Variants in GPR158 observed in about 807,000 individuals in gnomAD.
The protein encoded by GPR158 is metabotropic glycine receptor.
In GPR158, 30 loss-of-function variants were observed where a neutral mutation model predicts 78.2. That is an observed-to-expected ratio of 0.38 (90% CI 0.29 to 0.52). GPR158 has a LOEUF of 0.52. Ranked by LOEUF, GPR158 falls within the 20% of genes least tolerant of loss-of-function variation. GPR158 has a pLI of 0.83. For missense variants in GPR158, 1,463 were observed against 1,523.5 expected, an observed-to-expected ratio of 0.96 and a Z score of 0.66; for synonymous variants, 581 against 591.1, an observed-to-expected ratio of 0.98 and a Z score of 0.25.
chr10:25,465,705 T>A (rs1564462804), intron 4 of GPR158, among the ~76,000 whole-genome samples: 1 of 152,206 alleles, frequency 6.6e-6, no homozygotes, highest in Non-Finnish European at 1.5e-5. Context: ...TGGTGGGAGA[T>A]ACGCAGACTT....
intron 1 of GPR158, among the ~76,000 whole-genome samples, chr10:25,201,512 C>T (rs1852929228): frequency 6.6e-6 from 1 of 152,154 alleles, no homozygotes; most frequent in Non-Finnish European, 1.5e-5. Context: ...CCTGACTGCT[C>T]TGGCCAGCAA....
At chr10:25,325,010 T>G (rs956902746) in intron 2 of GPR158, among the ~76,000 whole-genome samples, 1 of 151,852 alleles carries the variant, frequency 6.6e-6, no homozygotes, top group Non-Finnish European at 1.5e-5. Context: ...GACTACTTTT[T>G]AAATTTTTAT....
intron 2 of GPR158, among the ~76,000 whole-genome samples, chr10:25,295,318 A>G (rs918764575): frequency 2.6e-5 from 4 of 152,168 alleles, no homozygotes; most frequent in African/African-American, 9.7e-5. Context: ...GTATGCTTGC[A>G]CTCTGTAAAG....
chr10:25,419,200 T>C (rs1445960232), intron 4 of GPR158, among the ~76,000 whole-genome samples: 1 of 152,186 alleles, frequency 6.6e-6, no homozygotes, highest in African/African-American at 2.4e-5. Context: ...TTTCTGTTGC[T>C]ACAAATTTGC....
In GPR158 at chr10:25,586,390, AATTTTTTTTTT is replaced by A. The variant is rs1837267906; in HGVS notation, c.1754-2616_1754-2606del. On this transcript the variant is annotated intron_variant, in intron 7 of 10. Coordinates refer to ENST00000376351, the MANE Select transcript of GPR158 (RefSeq NM_020752.3). ...CCAGGGTTGTAAGTAGGTATGTGTG[AATTTTTTTTTT>A]TTTTTTTTTTTTTTTTTTTTGAGGC... is the stretch of plus-strand genomic sequence containing the variant. 4.6e-5 allele frequency among the ~76,000 whole-genome samples: 6 copies of A among 130,994 alleles called. 1 individual carries two copies. The allele number at this position is 130,994 out of a possible 152,430, so 85.9% of individuals were successfully genotyped here.
intron 4 of GPR158, among the ~76,000 whole-genome samples, chr10:25,416,652 G>T (rs1428003428): frequency 6.6e-6 from 1 of 152,066 alleles, no homozygotes; most frequent in Non-Finnish European, 1.5e-5. Context: ...GAATAAGTTT[G>T]TTACTATAAT....
chr10:25,182,439 C>A (rs1852623531), intron 1 of GPR158, among the ~76,000 whole-genome samples: 1 of 151,928 alleles, frequency 6.6e-6, no homozygotes, highest in African/African-American at 2.4e-5. Context: ...TTTAAAATTT[C>A]AAAAAAGGGT....
At chr10:25,397,645 T>C (rs1402913833) in intron 3 of GPR158, among the ~76,000 whole-genome samples, 3 of 152,200 alleles carry the variant, frequency 2.0e-5, no homozygotes, top group Non-Finnish European at 4.4e-5. Context: ...TTGTAGGTTC[T>C]GGAGGTGAGA....
rs563605999 is a variant in GPR158 at position 25,382,132 on chromosome 10, G to T, written c.1009-13779G>T. ...TGAGTTTGTGATTTAGTGGAGGGGA[G>T]TGTTTCATTATCTGAAAGTGTCGAA... On this transcript the variant is annotated intron_variant, in intron 2 of 10. Coordinates refer to ENST00000376351, the MANE Select transcript of GPR158 (RefSeq NM_020752.3). 2.0e-5 allele frequency among the ~76,000 whole-genome samples: 3 copies of T among 152,326 alleles called. No homozygotes were observed. The East Asian group carries it at 5.8e-4, about 29-fold the overall frequency.
intron 3 of GPR158, among the ~76,000 whole-genome samples, chr10:25,406,386 CA>C (rs1834516026): frequency 6.6e-6 from 1 of 152,290 alleles, no homozygotes; most frequent in African/African-American, 2.4e-5. Flanking sequence ...ATATCCAACT[CA>C]GTAATCTACC....
intron 1 of GPR158, among the ~76,000 whole-genome samples, chr10:25,207,523 T>C (rs1408694955): frequency 3.9e-5 from 6 of 152,148 alleles, no homozygotes; most frequent in Non-Finnish European, 5.9e-5. Flanking sequence ...ATAAAGAGCA[T>C]GCAACCTAGA....
intron 5 of GPR158, among the ~76,000 whole-genome samples, chr10:25,522,354 A>C (rs992128347): frequency 6.6e-6 from 1 of 152,190 alleles, no homozygotes; most frequent in East Asian, 1.9e-4. Flanking sequence ...AGCTCTGGAC[A>C]TCCATCTGAG....
In GPR158 at chr10:25,256,545, T is replaced by A. The variant is rs532083650; in HGVS notation, c.1008+35388T>A. Among the ~76,000 whole-genome samples the A allele has an allele frequency of 4.6e-5, 7 of 152,030 alleles. No homozygotes were observed. The South Asian group carries it at 1.2e-3, about 27-fold the overall frequency. On this transcript the variant is annotated intron_variant, in intron 2 of 10. Transcript: ENST00000376351. The stretch of plus-strand genomic sequence containing the variant: ...ATGGTGGCACATGTGTATGCACATG[T>A]CCTGTGGTCCTAGGAACTCAGGAGG...
At chr10:25,576,970 C>CAAAAAAA (rs765153642) in intron 7 of GPR158, among the ~76,000 whole-genome samples, 2 of 113,740 alleles carry the variant, frequency 1.8e-5, no homozygotes, top group African/African-American at 3.1e-5. Flanking sequence ...ACAGTGTTCT[C>CAAAAAAA]AAAAAAAAAA....
chr10:25,284,745 T>G (rs1041964867), intron 2 of GPR158, among the ~76,000 whole-genome samples: 1 of 151,968 alleles, frequency 6.6e-6, no homozygotes, highest in Admixed American at 6.6e-5. Context: ...CCATTTTACC[T>G]CCAATATTGT....
At chr10:25,409,677 T>C (rs1834560106) in intron 3 of GPR158, among the ~76,000 whole-genome samples, 1 of 152,254 alleles carries the variant, frequency 6.6e-6, no homozygotes, top group Admixed American at 6.5e-5. Context: ...AACTATGCTC[T>C]TGATTACATC....
At chr10:25,430,385 T>G (rs988299334) in intron 4 of GPR158, among the ~76,000 whole-genome samples, 51 of 150,674 alleles carry the variant, frequency 3.4e-4, no homozygotes, top group African/African-American at 1.2e-3. Context: ...TGGAAGAACA[T>G]TCCATGCTCA....
intron 7 of GPR158, among the ~76,000 whole-genome samples, chr10:25,581,987 G>A (rs1014283239): frequency 1.3e-4 from 20 of 152,280 alleles, no homozygotes; most frequent in Middle Eastern, 6.8e-3. Flanking sequence ...ATGGCGGCAG[G>A]CAACGAGAGA....
rs901660120 is a variant in GPR158 at position 25,249,192 on chromosome 10, C to A, written c.1008+28035C>A. On this transcript the variant is annotated intron_variant, in intron 2 of 10. Transcript: ENST00000376351. ...CTGAGACTTTGCTGAAGTTGCTTAT[C>A]AGCTTAAGGAGATTTTGGGCTGAGA... Among the ~76,000 whole-genome samples, 703 of 152,144 alleles carry A rather than the reference C, an allele frequency of 4.6e-3. 7 individuals carry two copies. The highest frequency in any genetic ancestry group is 0.016 in the African/African-American group (683 of 41,480).
Sources: gnomAD v4.1 joint callset for allele counts (sites outside exome capture counted in the v4.1 genomes callset) on GRCh38, gnomAD v4.1.1 for gene constraint, MANE v1.5 for transcripts, NCBI Gene and HGNC (gene_info 2026-07-23, HGNC 2026-07-21) for gene names.